The following ROR1 variants were observed in gnomAD, a reference collection of about 807,000 sequenced individuals.
The protein encoded by ROR1 is ROR family WNT receptor 1.
A neutral mutation model predicts 78.8 loss-of-function variants in ROR1; 19 were observed. The observed-to-expected ratio is 0.24, with a 90% confidence interval of 0.17 to 0.35. ROR1 has a LOEUF of 0.35. ROR1 is among the 10% of genes least tolerant of loss of function. The probability of loss-of-function intolerance (pLI) is 1.00; values close to 1 mark genes in which losing one functional copy is unlikely to be tolerated. For synonymous variants in ROR1, 386 were observed against 433.6 expected (o/e 0.89, Z 1.36); for missense variants, 917 against 1,177.8 (o/e 0.78, Z 3.24).
chr1:63,920,152 G>A (rs1318811124), intron 1 of ROR1, among the ~76,000 whole-genome samples: 1 of 152,184 alleles, frequency 6.6e-6, no homozygotes, highest in Non-Finnish European at 1.5e-5. Flanking sequence ...TGGGCAGGAT[G>A]GGAAAGTTCA....
intron 8 of ROR1, among the ~76,000 whole-genome samples, chr1:64,170,829 G>A (rs921580453): frequency 1.3e-5 from 2 of 152,116 alleles, no homozygotes; most frequent in African/African-American, 4.8e-5. Context: ...TCTAGGGCAG[G>A]GGAAAAATGC....
chr1:63,786,551 C>T (rs1170634639), intron 1 of ROR1, among the ~76,000 whole-genome samples: 8 of 144,342 alleles, frequency 5.5e-5, no homozygotes, highest in African/African-American at 2.1e-4. Flanking sequence ...GGATTACAGG[C>T]GTGAGCCACC....
At chr1:64,124,657 G>A (rs1348007718) in intron 4 of ROR1, among the ~76,000 whole-genome samples, 3 of 152,146 alleles carry the variant, frequency 2.0e-5, no homozygotes, top group Admixed American at 6.5e-5. Context: ...TATGTGAAAC[G>A]TACGTCCATC....
At chr1:64,095,988 A>C (rs1418392334) in intron 4 of ROR1, among the ~76,000 whole-genome samples, 1 of 152,164 alleles carries the variant, frequency 6.6e-6, no homozygotes, top group Non-Finnish European at 1.5e-5. Flanking sequence ...TACTATTCTA[A>C]AATAATTTGC....
chr1:63,788,127 T>C (rs2100232516), intron 1 of ROR1, among the ~76,000 whole-genome samples: 1 of 152,346 alleles, frequency 6.6e-6, no homozygotes, highest in South Asian at 2.1e-4. Context: ...GCTGCTTTCA[T>C]GAGGTTATTG....
intron 4 of ROR1, among the ~76,000 whole-genome samples, chr1:64,069,669 C>T (rs1033497141): frequency 2.0e-5 from 3 of 152,084 alleles, no homozygotes; most frequent in African/African-American, 7.3e-5. Flanking sequence ...TGAAACAGCC[C>T]ACCACTCTAG....
chr1:64,066,441 C>A (rs1294361626), intron 4 of ROR1, among the ~76,000 whole-genome samples: 1 of 152,054 alleles, frequency 6.6e-6, no homozygotes, highest in African/African-American at 2.4e-5. Context: ...CCTCAGCCTC[C>A]CAAGTAGCTG....
intron 4 of ROR1, among the ~76,000 whole-genome samples, chr1:64,129,865 AC>A (rs1205738847): frequency 1.3e-5 from 2 of 152,118 alleles, no homozygotes; most frequent in African/African-American, 2.4e-5. Context: ...TGAAATGCAA[AC>A]CCTTGTGTTT....
chr1:63,779,704 G>A (rs944959859), intron 1 of ROR1, among the ~76,000 whole-genome samples: 2 of 152,134 alleles, frequency 1.3e-5, no homozygotes, highest in Non-Finnish European at 2.9e-5. Context: ...AGTTTGTTTA[G>A]GAATGGGATA....
chr1:63,846,535 T>C (rs986553877), intron 1 of ROR1, among the ~76,000 whole-genome samples: 3 of 152,154 alleles, frequency 2.0e-5, no homozygotes, highest in Non-Finnish European at 2.9e-5. Flanking sequence ...TACTGGTAGC[T>C]GAGATGGGGG....
chr1:63,810,698 G>A (rs1011794085), intron 1 of ROR1, among the ~76,000 whole-genome samples: 3 of 152,196 alleles, frequency 2.0e-5, no homozygotes, highest in Non-Finnish European at 4.4e-5. Flanking sequence ...AGGTATCCAC[G>A]TATGCAAAGG....
chr1:64,138,150 A>G (rs72916961), intron 5 of ROR1, among the ~76,000 whole-genome samples: 4,303 of 152,292 alleles, frequency 0.028, 227 homozygotes, highest in African/African-American at 0.099. Flanking sequence ...TTTTGCACGC[A>G]TCGTTCTGGT....
chr1:64,164,387 T>TACA (rs1650029077), intron 8 of ROR1, among the ~76,000 whole-genome samples: 1 of 152,190 alleles, frequency 6.6e-6, no homozygotes, highest in African/African-American at 2.4e-5. Flanking sequence ...GAGATATGAT[T>TACA]ACAAATCTTG....
chr1:64,005,145 A>T (rs1646417824), intron 1 of ROR1, among the ~76,000 whole-genome samples: 1 of 152,214 alleles, frequency 6.6e-6, no homozygotes, highest in Non-Finnish European at 1.5e-5. Flanking sequence ...AAATACAGAC[A>T]GTGACTTAGT....
chr1:63,963,826 C>T (rs998743287), intron 1 of ROR1, among the ~76,000 whole-genome samples: 1 of 152,140 alleles, frequency 6.6e-6, no homozygotes, highest in African/African-American at 2.4e-5. Flanking sequence ...CTCTCCTCTC[C>T]ATCCTTCCTG....
At chr1:63,786,775 A>G (rs1165293218) in intron 1 of ROR1, among the ~76,000 whole-genome samples, 1 of 152,026 alleles carries the variant, frequency 6.6e-6, no homozygotes, top group African/African-American at 2.4e-5. Flanking sequence ...ACACAGAGCA[A>G]TTGATCTGAG....
chr1:63,886,408 A>G (rs1331910154), intron 1 of ROR1, among the ~76,000 whole-genome samples: 2 of 152,168 alleles, frequency 1.3e-5, no homozygotes, highest in Admixed American at 6.5e-5. Context: ...TCTTAGCACA[A>G]ACATTCTTGT....
chr1:63,956,151 G>A (rs560258580), intron 1 of ROR1, among the ~76,000 whole-genome samples: 2 of 152,306 alleles, frequency 1.3e-5, no homozygotes, highest in South Asian at 4.2e-4. Flanking sequence ...CACACTGGAT[G>A]TTAGGAAAAG....
intron 1 of ROR1, among the ~76,000 whole-genome samples, chr1:63,784,018 T>G (rs1404352844): frequency 2.7e-5 from 4 of 149,940 alleles, no homozygotes; most frequent in Non-Finnish European, 5.9e-5. Context: ...ATCATTATTA[T>G]GCCAAACTGC....
Sources: gnomAD v4.1 joint callset for allele counts (sites outside exome capture counted in the v4.1 genomes callset) on GRCh38, gnomAD v4.1.1 for gene constraint, MANE v1.5 for transcripts, NCBI Gene and HGNC (gene_info 2026-07-23, HGNC 2026-07-21) for gene names.